The following TRPS1 variants were observed in gnomAD, a reference collection of about 807,000 sequenced individuals.
TRPS1 encodes zinc finger transcription factor Trps1.
TRPS1 carries 6 observed loss-of-function variants against 101.2 expected under a neutral mutation model. The ratio of observed to expected loss-of-function variants is 0.06; its 90% CI spans 0.03 to 0.12. The LOEUF (loss-of-function observed/expected upper bound fraction) is 0.12, where lower values mean the gene tolerates loss of function less well. TRPS1 is among the 10% of genes least tolerant of loss of function. The pLI, the probability that TRPS1 is intolerant of heterozygous loss-of-function variation, is 1.00. For missense variants in TRPS1, 1,363 were observed against 1,567.0 expected (o/e 0.87, Z 2.20); for synonymous variants, 578 against 589.8 (o/e 0.98, Z 0.29).
intron 5 of TRPS1, among the ~76,000 whole-genome samples, chr8:115,545,725 C>G (rs548680007): frequency 6.6e-6 from 1 of 152,198 alleles, no homozygotes; most frequent in Non-Finnish European, 1.5e-5. Context: ...AATTCCAATA[C>G]AACTAATGAT....
At chr8:115,440,641 A>G (rs1351524275) in intron 5 of TRPS1, among the ~76,000 whole-genome samples, 1 of 152,200 alleles carries the variant, frequency 6.6e-6, no homozygotes, top group East Asian at 1.9e-4. Context: ...GGTTTCAGCA[A>G]TAAGTCTTAT....
intron 5 of TRPS1, among the ~76,000 whole-genome samples, chr8:115,510,876 A>C (rs929027291): frequency 6.6e-6 from 1 of 151,898 alleles, no homozygotes; most frequent in Non-Finnish European, 1.5e-5. Flanking sequence ...AGATATTAGA[A>C]AGCTTCATTC....
At chr8:115,453,859 C>T (rs1193745547) in intron 5 of TRPS1, among the ~76,000 whole-genome samples, 2 of 152,146 alleles carry the variant, frequency 1.3e-5, no homozygotes, top group African/African-American at 2.4e-5. Context: ...TTTGGTCTTG[C>T]CCACGGTGAC....
chr8:115,549,472 A>G (rs1816652676), intron 5 of TRPS1, among the ~76,000 whole-genome samples: 1 of 152,204 alleles, frequency 6.6e-6, no homozygotes, highest in Non-Finnish European at 1.5e-5. Context: ...ATCAATTGGT[A>G]AGAATGTTCT....
chr8:115,524,711 C>T (rs1021099130), intron 5 of TRPS1, among the ~76,000 whole-genome samples: 7 of 151,942 alleles, frequency 4.6e-5, no homozygotes, highest in African/African-American at 1.5e-4. Context: ...CTGTGGTAAA[C>T]AAACAATAGA....
chr8:115,606,063 T>A (rs2130497217), intron 3 of TRPS1, among the ~76,000 whole-genome samples: 1 of 152,316 alleles, frequency 6.6e-6, no homozygotes, highest in East Asian at 1.9e-4. Context: ...ATGTAATATA[T>A]TAAGCAAGTG....
rs115528571 is a variant in TRPS1 at position 115,456,230 on chromosome 8, A to C, written c.2701-37778T>G. On this transcript the variant is annotated intron_variant, in intron 5 of 6. Transcript: ENST00000395715. The stretch of plus-strand genomic sequence containing the variant: ...GTGTGGAATATAAAGTGGAGAAGTA[A>C]AAATTAGGTAAATTACGCAACGTGT... Among the ~76,000 whole-genome samples, 1,156 of 152,282 alleles carry C rather than the reference A, an allele frequency of 7.6e-3. 19 individuals carry two copies. The highest frequency in any genetic ancestry group is 0.026 in the African/African-American group (1,083 of 41,560).
At chr8:115,588,678 G>C (rs1390203866) in intron 4 of TRPS1, among the ~76,000 whole-genome samples, 1 of 152,196 alleles carries the variant, frequency 6.6e-6, no homozygotes, top group Non-Finnish European at 1.5e-5. Context: ...GTGTATGGCT[G>C]TCTAAATAAA....
At position 115,524,319 on chromosome 8, in the gene TRPS1, C is replaced by CTT. The variant is rs139406462; in HGVS notation, c.2700+62680_2700+62681dup. Among the ~76,000 whole-genome samples, 132 of 70,704 alleles carry CTT rather than the reference C, an allele frequency of 1.9e-3. 1 individual carries two copies. The highest frequency in any genetic ancestry group is 4.5e-3 in the South Asian group (7 of 1,548). The allele number at this position is 70,704 out of a possible 152,430, so 46.4% of individuals were successfully genotyped here. A position where few individuals can be genotyped will look rare whatever the true frequency, so the allele number is the denominator to read the frequency against. On this transcript the variant is annotated intron_variant, in intron 5 of 6. Coordinates refer to ENST00000395715, the MANE Select transcript of TRPS1 (RefSeq NM_014112.5). ...TTTTCTTTGCATTTTCTTCTTCTTC[C>CTT]TTTTTTTTTTTTTTTTTTTTTTTTG...
intron 5 of TRPS1, among the ~76,000 whole-genome samples, chr8:115,549,287 A>G (rs1373383769): frequency 6.6e-6 from 1 of 152,200 alleles, no homozygotes; most frequent in Admixed American, 6.5e-5. Flanking sequence ...GCTAAATTCA[A>G]TCACTGTCAA....
intron 5 of TRPS1, among the ~76,000 whole-genome samples, chr8:115,488,439 C>T (rs1014649762): frequency 6.6e-6 from 1 of 152,040 alleles, no homozygotes; most frequent in Non-Finnish European, 1.5e-5. Flanking sequence ...GCCTGTAATC[C>T]CAGCCCTTTG....
At chr8:115,463,737 AAATT>A (rs1238361095) in intron 5 of TRPS1, among the ~76,000 whole-genome samples, 2 of 152,138 alleles carry the variant, frequency 1.3e-5, no homozygotes, top group African/African-American at 2.4e-5. Flanking sequence ...ATAATTTAAT[AAATT>A]AATATTTTGA....
At chr8:115,435,326 G>A (rs1386161764) in intron 5 of TRPS1, among the ~76,000 whole-genome samples, 1 of 152,138 alleles carries the variant, frequency 6.6e-6, no homozygotes, top group East Asian at 1.9e-4. Flanking sequence ...AACAACCTTG[G>A]TAGCACCCAA....
At chr8:115,626,098 C>A (rs1818502686) in intron 1 of TRPS1, among the ~76,000 whole-genome samples, 1 of 151,478 alleles carries the variant, frequency 6.6e-6, no homozygotes, top group Non-Finnish European at 1.5e-5. Context: ...TTTAAAAAAA[C>A]TTTTAAAAGA....
At chr8:115,551,320 A>G (rs1007739651) in intron 5 of TRPS1, among the ~76,000 whole-genome samples, 2 of 152,224 alleles carry the variant, frequency 1.3e-5, no homozygotes, top group Admixed American at 1.3e-4. Flanking sequence ...GAGTTTCTGT[A>G]TCATTCCAGT....
chr8:115,498,403 CTCTCTCTCTCTCTA>C (rs1462528644), intron 5 of TRPS1, among the ~76,000 whole-genome samples: 4 of 84,824 alleles, frequency 4.7e-5, no homozygotes, highest in South Asian at 4.9e-4. Context: ...CTCTCTCTCT[CTCTCTCTCTCTCTA>C]TATATATATA....
chr8:115,604,385 G>T lies in TRPS1; in HGVS notation c.1584C>A (p.Ala528=), dbSNP rs374035666. 6 of 1,613,816 alleles carry T rather than the reference G, an allele frequency of 3.7e-6. No homozygotes were observed. The East Asian group carries it at 6.7e-5, about 18-fold the overall frequency. The stretch of plus-strand genomic sequence containing the variant: ...TATAGCTCGTTACCATATTATCCTC[G>T]GCTCCCTTGCTGGAGAAGTCCTTCT... ...AKKKDFSSKG[A]EDNMVTSYNC... Residue 528 remains alanine (A), a synonymous_variant, in exon 4 of 7, where the codon GCC becomes GCA. Coordinates refer to ENST00000395715, the MANE Select transcript of TRPS1 (RefSeq NM_014112.5). This position sits in a 1 kb window ranked among gnomAD's most constrained non-coding sequence, Gnocchi z 4.1.
Position 115,500,566 on chromosome 8 carries a change from T to A in TRPS1, c.2701-82114A>T, listed in dbSNP as rs1586338004. ...CAATATTTTTAAACATTGTTGCCAG[T>A]TTATCACTTGATGTGTGAAGAACAT... On this transcript the variant is annotated intron_variant, in intron 5 of 6. Transcript: ENST00000395715. Among the ~76,000 whole-genome samples, 4 of 152,182 alleles carry A rather than the reference T, an allele frequency of 2.6e-5. No individual in the cohort carries two copies. In the South Asian group the frequency reaches 8.3e-4, roughly 31 times the overall value.
intron 5 of TRPS1, among the ~76,000 whole-genome samples, chr8:115,580,975 A>C (rs1264928059): frequency 6.6e-6 from 1 of 152,194 alleles, no homozygotes; most frequent in Non-Finnish European, 1.5e-5. Flanking sequence ...ACTATTGACA[A>C]TAATCAAGAT....
Sources: allele counts gnomAD v4.1 joint callset (sites outside exome capture counted in the v4.1 genomes callset), GRCh38; gene constraint gnomAD v4.1.1; non-coding constraint Gnocchi (gnomAD v3.1); transcripts MANE v1.5; gene names NCBI Gene and HGNC (gene_info 2026-07-23, HGNC 2026-07-21).